ZNF385D: variants seen among roughly 807,000 people sequenced by gnomAD.
ZNF385D encodes zinc finger protein 385D, also known as zinc finger protein 659.
ZNF385D carries 15 observed loss-of-function variants against 35.8 expected under a neutral mutation model. The observed-to-expected ratio is 0.42, with a 90% CI of 0.28 to 0.64. The LOEUF (loss-of-function observed/expected upper bound fraction) is 0.64. ZNF385D is among the 30% of genes least tolerant of loss of function. The pLI is 0.23. For synonymous variants in ZNF385D, 212 were observed against 186.8 expected, an observed-to-expected ratio of 1.13 and a Z score of -1.10; for missense variants, 474 against 494.6, an observed-to-expected ratio of 0.96 and a Z score of 0.39.
At chr3:21,736,504 A>C (rs2069248914) in intron 1 of ZNF385D, among the ~76,000 whole-genome samples, 1 of 152,230 alleles carries the variant, frequency 6.6e-6, no homozygotes, top group Admixed American at 6.5e-5. Context: ...CTTTGGTTTT[A>C]TAACTACCTT....
intron 5 of ZNF385D, among the ~76,000 whole-genome samples, chr3:21,435,088 C>T (rs753884761): frequency 8.6e-5 from 13 of 151,996 alleles, no homozygotes; most frequent in African/African-American, 1.4e-4. Context: ...CTGGGCATAG[C>T]GCTTGGGTAC....
At chr3:22,080,926 C>T (rs1286547109) in intron 3 of ZNF385D, among the ~76,000 whole-genome samples, 1 of 152,166 alleles carries the variant, frequency 6.6e-6, no homozygotes, top group African/African-American at 2.4e-5. Flanking sequence ...CTTCCTCAAT[C>T]ATAGACTTCC....
intron 2 of ZNF385D, among the ~76,000 whole-genome samples, chr3:22,218,720 TATTA>T (rs1698053583): frequency 6.6e-6 from 1 of 152,224 alleles, no homozygotes; most frequent in East Asian, 1.9e-4. Context: ...GGGTGAATAT[TATTA>T]ATTGTCTTTC....
chr3:22,214,698 G>A (rs1056176415), intron 2 of ZNF385D, among the ~76,000 whole-genome samples: 15 of 151,848 alleles, frequency 9.9e-5, no homozygotes, highest in Non-Finnish European at 1.6e-4. Context: ...TTATTAGGAC[G>A]AGGAAATTCC....
chr3:21,501,745 T>C (rs1223076459), intron 4 of ZNF385D, among the ~76,000 whole-genome samples: 1 of 152,214 alleles, frequency 6.6e-6, no homozygotes, highest in Non-Finnish European at 1.5e-5. Context: ...TTATGTCTAC[T>C]CAATTCCTAA....
At chr3:22,182,935 T>A (rs368295243) in intron 2 of ZNF385D, among the ~76,000 whole-genome samples, 1 of 152,148 alleles carries the variant, frequency 6.6e-6, no homozygotes, top group East Asian at 1.9e-4. Context: ...AAGCTCCAAA[T>A]AGAGAAATGA....
intron 3 of ZNF385D, among the ~76,000 whole-genome samples, chr3:21,952,990 A>G (rs1702131480): frequency 6.6e-6 from 1 of 151,934 alleles, no homozygotes; most frequent in Non-Finnish European, 1.5e-5. Context: ...CTCCCTTACT[A>G]AACACATTCA....
chr3:21,971,889 G>A (rs765708232), intron 3 of ZNF385D, among the ~76,000 whole-genome samples: 1 of 151,812 alleles, frequency 6.6e-6, no homozygotes, highest in Non-Finnish European at 1.5e-5. Flanking sequence ...TAATGATAAA[G>A]GGATGAATAA....
At chr3:21,495,343 C>CA (rs1451870262) in intron 4 of ZNF385D, among the ~76,000 whole-genome samples, 1 of 151,290 alleles carries the variant, frequency 6.6e-6, no homozygotes, top group African/African-American at 2.4e-5. Flanking sequence ...GAAAGTATGG[C>CA]AAAAAATAAC....
intron 3 of ZNF385D, among the ~76,000 whole-genome samples, chr3:21,768,370 AGT>A (rs1383669297): frequency 1.3e-5 from 2 of 152,080 alleles, no homozygotes; most frequent in African/African-American, 2.4e-5. Flanking sequence ...GATCCTGGGA[AGT>A]AGCAGAGTAG....
chr3:22,333,674 G>C (rs116840045), intron 2 of ZNF385D, among the ~76,000 whole-genome samples: 1 of 151,242 alleles, frequency 6.6e-6, no homozygotes, highest in African/African-American at 2.4e-5. Context: ...ATTCATTTCC[G>C]AACTTCCACC....
At chr3:21,681,587 G>A (rs1214850099) in intron 1 of ZNF385D, among the ~76,000 whole-genome samples, 1 of 150,812 alleles carries the variant, frequency 6.6e-6, no homozygotes, top group Non-Finnish European at 1.5e-5. Flanking sequence ...GTTAAAGTGG[G>A]TAGAAGGGAA....
intron 3 of ZNF385D, among the ~76,000 whole-genome samples, chr3:21,924,910 C>A (rs1386851736): frequency 6.6e-6 from 1 of 152,102 alleles, no homozygotes; most frequent in Non-Finnish European, 1.5e-5. Flanking sequence ...CCCTCCTTCT[C>A]CTGCTACAGT....
At chr3:21,656,258 T>C (rs1198129369) in intron 2 of ZNF385D, among the ~76,000 whole-genome samples, 1 of 151,956 alleles carries the variant, frequency 6.6e-6, no homozygotes, top group Non-Finnish European at 1.5e-5. Context: ...AATATCCTTT[T>C]CCTATTAAGG....
intron 2 of ZNF385D, among the ~76,000 whole-genome samples, chr3:22,358,910 T>C (rs1028711859): frequency 2.6e-5 from 4 of 151,590 alleles, no homozygotes; most frequent in South Asian, 2.1e-4. Flanking sequence ...GAACCATCTG[T>C]ATGACTTAGT....
chr3:21,620,762 C>T (rs1575336297), intron 2 of ZNF385D, among the ~76,000 whole-genome samples: 1 of 152,120 alleles, frequency 6.6e-6, no homozygotes, highest in East Asian at 1.9e-4. Context: ...TGCCAGTGAA[C>T]TTAACCCCTG....
At chr3:22,140,162 T>C (rs13099039) in intron 3 of ZNF385D, among the ~76,000 whole-genome samples, 16,124 of 152,266 alleles carry the variant, frequency 0.11, 896 homozygotes, top group Middle Eastern at 0.16. Flanking sequence ...TTATAGGAGC[T>C]TTGTAATATT....
intron 1 of ZNF385D, among the ~76,000 whole-genome samples, chr3:21,709,066 G>T (rs562340441): frequency 1.3e-5 from 2 of 152,100 alleles, no homozygotes; most frequent in African/African-American, 4.8e-5. Flanking sequence ...ACTCTCACAG[G>T]CTCAATACTT....
At chr3:21,517,379 T>G (rs1312038061) in intron 3 of ZNF385D, among the ~76,000 whole-genome samples, 1 of 152,090 alleles carries the variant, frequency 6.6e-6, no homozygotes, top group Non-Finnish European at 1.5e-5. Context: ...GCCTGCAGAC[T>G]CCCTGCTGGT....
Sources: gnomAD v4.1 joint callset for allele counts (sites outside exome capture counted in the v4.1 genomes callset) on GRCh38, gnomAD v4.1.1 for gene constraint, MANE v1.5 for transcripts, NCBI Gene and HGNC (gene_info 2026-07-23, HGNC 2026-07-21) for gene names.